Variants in EML6 observed in about 807,000 individuals in gnomAD.
The protein encoded by EML6 is EMAP like 6, also known as echinoderm microtubule-associated protein-like 6.
EML6 carries 154 observed loss-of-function variants against 240.1 expected under a neutral mutation model. That is an observed-to-expected ratio of 0.64 (90% CI 0.56 to 0.73). The LOEUF is 0.73. EML6 is among the 30% of genes least tolerant of loss of function. The probability of loss-of-function intolerance (pLI) is 0.00; values close to 1 mark genes in which losing one functional copy is unlikely to be tolerated. For missense variants in EML6, 2,964 were observed against 2,474.6 expected, an observed-to-expected ratio of 1.20 and a Z score of -4.20; for synonymous variants, 1,148 against 899.0, an observed-to-expected ratio of 1.28 and a Z score of -4.95.
chr2:54,925,598 A>G (rs929164077), intron 26 of EML6, among the ~76,000 whole-genome samples: 12 of 152,150 alleles, frequency 7.9e-5, no homozygotes, highest in East Asian at 1.9e-4. Flanking sequence ...ATGCCAGACA[A>G]GTATCTTTAT....
intron 38 of EML6, among the ~76,000 whole-genome samples, chr2:54,965,650 G>A (rs1048469491): frequency 3.9e-5 from 6 of 152,258 alleles, no homozygotes; most frequent in Admixed American, 3.9e-4. Context: ...AGTTGAAGCT[G>A]TCTTCCTGCA....
chr2:54,925,336 T>C (rs1330226853), intron 26 of EML6, among the ~76,000 whole-genome samples: 2 of 152,206 alleles, frequency 1.3e-5, no homozygotes, highest in African/African-American at 4.8e-5. Context: ...TTCTGCTGTT[T>C]AGCTACCCAG....
At position 54,956,634 on chromosome 2, in the gene EML6, C is replaced by G. The variant is rs543004118; in HGVS notation, c.4487-1156C>G. ...CAGCTGGGAGAAGTTCTCTGTGGGT[C>G]CCCCTAGCCTCGCCTGGAAAGAGAT... On this transcript the variant is annotated intron_variant, in intron 32 of 41. Coordinates refer to ENST00000356458, the MANE Select transcript of EML6 (RefSeq NM_001039753.4). Among the ~76,000 whole-genome samples, 20 of 37,912 alleles carry G rather than the reference C, an allele frequency of 5.3e-4. No individual in the cohort carries two copies. In the South Asian group the frequency reaches 0.014, roughly 26 times the overall value. The allele number at this position is 37,912 out of a possible 152,430, so 24.9% of individuals were successfully genotyped here.
At position 54,954,169 on chromosome 2, in the gene EML6, T is replaced by C. The variant is rs1170901195; in HGVS notation, c.4486+13T>C. The C allele has an allele frequency of 6.5e-7, 1 of 1,548,320 alleles. No individual in the cohort carries two copies. The highest frequency in any genetic ancestry group is 1.4e-5 in the African/African-American group (1 of 72,970). ...CGATGGCAGGAAGGTAAACCAGCAC[T>C]GGGCTTTCTGTCCCTCCAGGGTGTC... On this transcript the variant is annotated intron_variant, in intron 32 of 41. Coordinates refer to ENST00000356458, the MANE Select transcript of EML6 (RefSeq NM_001039753.4).
At chr2:54,779,422 T>G (rs1668746312) in intron 2 of EML6, among the ~76,000 whole-genome samples, 1 of 151,634 alleles carries the variant, frequency 6.6e-6, no homozygotes. Flanking sequence ...AGCGGGTGCC[T>G]GTAATCTCAG....
chr2:54,868,399 T>A (rs961256851), intron 14 of EML6: 2 of 152,240 alleles, frequency 1.3e-5, no homozygotes, highest in Admixed American at 6.5e-5. Flanking sequence ...ATCTGTGCAT[T>A]TATATTACTT....
intron 24 of EML6, among the ~76,000 whole-genome samples, chr2:54,907,235 G>T (rs1351623682): frequency 1.3e-5 from 2 of 152,212 alleles, no homozygotes; most frequent in African/African-American, 2.4e-5. Flanking sequence ...TGAAGGCTGG[G>T]TGCGGTGGCT....
intron 41 of EML6, 146 bp downstream of exon 41, chr2:54,968,914 T>C: frequency 1.7e-6 from 1 of 591,224 alleles, no homozygotes; most frequent in Non-Finnish European, 3.0e-6. Context: ...TGAGTCCTCA[T>C]GAAGGCAAGT....
chr2:54,832,994 A>G (rs983835095), intron 7 of EML6, among the ~76,000 whole-genome samples: 1 of 152,172 alleles, frequency 6.6e-6, no homozygotes, highest in Non-Finnish European at 1.5e-5. Context: ...AAACAGCGAC[A>G]CTCGAATTCA....
rs147852134 is a variant in EML6, at chr2:54,823,850, T to TTCTCTCTCTCTCTC, written c.525+3402_525+3415dup. 9.5e-3 allele frequency among the ~76,000 whole-genome samples: 687 copies of TTCTCTCTCTCTCTC among 72,264 alleles called. 15 individuals carry two copies. Among genetic ancestry groups the TTCTCTCTCTCTCTC allele is most frequent in the African/African-American group, 0.035 (643 of 18,410 alleles). 47.4% of individuals were successfully genotyped at this position (72,264 alleles called of 152,430 possible). A position where few individuals can be genotyped will look rare whatever the true frequency, so the allele number is the denominator to read the frequency against. Reference sequence around the variant, plus strand: ...GGCTGAATTAATATTCATTCATTCATTCTCTCTCTCTCTCTCTCTCTCTCT... The same window carrying TTCTCTCTCTCTCTC: ...GGCTGAATTAATATTCATTCATTCATTCTCTCTCTCTCTCTCTCTCTCTCTCTCTCTCTCTCTCT... On this transcript the variant is annotated intron_variant, in intron 5 of 41. Coordinates refer to ENST00000356458, the MANE Select transcript of EML6 (RefSeq NM_001039753.4).
intron 2 of EML6, among the ~76,000 whole-genome samples, chr2:54,738,013 A>G (rs1002255493): frequency 1.3e-5 from 2 of 151,868 alleles, no homozygotes; most frequent in African/African-American, 4.8e-5. Context: ...ACATGACATT[A>G]CTCACTTCCC....
chr2:54,967,259 C>G (rs1281391665), intron 39 of EML6, 156 bp downstream of exon 39: 1 of 544,160 alleles, frequency 1.8e-6, no homozygotes, highest in East Asian at 3.1e-5. Flanking sequence ...CTTGGCTAGT[C>G]TAGTTTAGGT....
rs1203869402 is a variant in EML6, at chr2:54,853,750, G to C, written c.1552G>C (p.Val518Leu). 5.8e-6 allele frequency: 9 copies of C among 1,551,244 alleles called. No individual in the cohort carries two copies. The South Asian group carries it at 8.3e-5, about 14-fold the overall frequency. ...TGGAATTTGGCCCAAATACACTGAG[G>C]TTACTGACATCAACTCAGTGGATGC... Reference protein sequence around the residue: ...VSGIWPKYTEVTDINSVDANY... With the variant: ...VSGIWPKYTELTDINSVDANY... The change falls in exon 11 of 42, where the codon GTT (valine) becomes CTT (leucine). Residue 518 changes from valine (V) to leucine (L), a missense_variant. By Grantham distance (32) the Val-to-Leu change is conservative. Coordinates refer to ENST00000356458, the MANE Select transcript of EML6 (RefSeq NM_001039753.4).
At chr2:54,805,091 G>C (rs1370567961) in intron 2 of EML6, among the ~76,000 whole-genome samples, 1 of 152,186 alleles carries the variant, frequency 6.6e-6, no homozygotes, top group African/African-American at 2.4e-5. Flanking sequence ...ATGCTCCAGA[G>C]TTCTTTCACT....
chr2:54,941,208 G>A (rs1041299836), intron 28 of EML6, among the ~76,000 whole-genome samples: 1 of 152,082 alleles, frequency 6.6e-6, no homozygotes, highest in Non-Finnish European at 1.5e-5. Flanking sequence ...TGGTCAAATT[G>A]GTATCATTAG....
At position 54,928,575 on chromosome 2, in the gene EML6, C is replaced by G. The variant is rs1350105893; in HGVS notation, c.3878-50C>G. On this transcript the variant is annotated intron_variant, in intron 27 of 41. Coordinates refer to ENST00000356458, the MANE Select transcript of EML6 (RefSeq NM_001039753.4). Reference sequence around the variant, plus strand: ...AATGCACCTCCCAACACCTCCCTTCCTGGGCCACTGCAAACCAACTGGCTC... The same window carrying G: ...AATGCACCTCCCAACACCTCCCTTCGTGGGCCACTGCAAACCAACTGGCTC... 6 of 1,551,548 alleles carry G rather than the reference C, an allele frequency of 3.9e-6. No individual in the cohort carries two copies. In the East Asian group the frequency reaches 1.5e-4, roughly 38 times the overall value.
intron 2 of EML6, among the ~76,000 whole-genome samples, chr2:54,806,283 A>G (rs186804398): frequency 7.2e-5 from 11 of 152,242 alleles, no homozygotes; most frequent in Admixed American, 7.2e-4. Context: ...AGAGTTCACC[A>G]TAGCTCTCTA....
chr2:54,814,287 C>T lies in EML6; in HGVS notation c.357+896C>T, dbSNP rs555574063. On this transcript the variant is annotated intron_variant, in intron 3 of 41. Transcript: ENST00000356458. ...TGTCCACCTGAAGTGTCCTGCTCAC[C>T]CTTTTGCCCATTGAAGTGATTCAGT... Among the ~76,000 whole-genome samples, 3 of 152,324 alleles carry T rather than the reference C, an allele frequency of 2.0e-5. No homozygotes were observed. The South Asian group carries it at 6.2e-4, about 32-fold the overall frequency.
intron 17 of EML6, chr2:54,881,255 G>A (rs1272164742): frequency 1.3e-5 from 2 of 152,126 alleles, no homozygotes; most frequent in Non-Finnish European, 2.9e-5. Flanking sequence ...ATATCTATTT[G>A]CATAATATTA....
Sources: gnomAD v4.1 joint callset for allele counts (sites outside exome capture counted in the v4.1 genomes callset) on GRCh38, gnomAD v4.1.1 for gene constraint, MANE v1.5 for transcripts, NCBI Gene and HGNC (gene_info 2026-07-23, HGNC 2026-07-21) for gene names.